Variants in LPP observed in about 807,000 individuals in gnomAD.
The protein encoded by LPP is lipoma-preferred partner.
LPP carries 38 observed loss-of-function variants against 60.4 expected under a neutral mutation model. The observed-to-expected ratio is 0.63, with a 90% CI of 0.49 to 0.83. LPP has a LOEUF of 0.83. Ranked by LOEUF, LPP falls within the 40% of genes least tolerant of loss-of-function variation. The probability of loss-of-function intolerance (pLI) is 0.00; values close to 1 mark genes in which losing one functional copy is unlikely to be tolerated. For synonymous variants in LPP, 328 were observed against 290.8 expected (o/e 1.13, Z -1.30); for missense variants, 902 against 783.6 (o/e 1.15, Z -1.80).
chr3:188,760,570 T>G (rs1731970555), intron 9 of LPP, among the ~76,000 whole-genome samples: 1 of 152,196 alleles, frequency 6.6e-6, no homozygotes, highest in African/African-American at 2.4e-5. Flanking sequence ...GCCTGTGGCT[T>G]TCTAGCATGT....
intron 10 of LPP, among the ~76,000 whole-genome samples, chr3:188,868,266 G>A (rs1767172440): frequency 6.6e-6 from 1 of 152,186 alleles, no homozygotes; most frequent in Admixed American, 6.5e-5. Context: ...GGCTAGAAAA[G>A]ACTGATACAT....
intron 10 of LPP, among the ~76,000 whole-genome samples, chr3:188,868,683 T>C (rs1244082585): frequency 6.6e-6 from 1 of 152,182 alleles, no homozygotes; most frequent in Non-Finnish European, 1.5e-5. Flanking sequence ...GGCTAATCAC[T>C]GAAAGACCAA....
At chr3:188,782,276 C>T (rs1740036164) in intron 9 of LPP, among the ~76,000 whole-genome samples, 1 of 152,144 alleles carries the variant, frequency 6.6e-6, no homozygotes, top group African/African-American at 2.4e-5. Flanking sequence ...ACTTTCAGGA[C>T]CATCCTTGCC....
chr3:188,382,369 T>A (rs1219649780), intron 3 of LPP, among the ~76,000 whole-genome samples: 1 of 152,216 alleles, frequency 6.6e-6, no homozygotes, highest in Non-Finnish European at 1.5e-5. Flanking sequence ...ATTTGCTATT[T>A]GTGTGATTCA....
chr3:188,852,195 T>C (rs1053086338), intron 9 of LPP, among the ~76,000 whole-genome samples: 2 of 151,910 alleles, frequency 1.3e-5, no homozygotes. Flanking sequence ...AGAAATTTGA[T>C]TGTGTCTCAA....
intron 3 of LPP, among the ~76,000 whole-genome samples, chr3:188,395,748 C>CA (rs1256573073): frequency 4.0e-5 from 6 of 150,512 alleles, no homozygotes; most frequent in Non-Finnish European, 8.8e-5. Context: ...CCTGTCTTTA[C>CA]AAAAAAAATT....
chr3:188,521,751 G>C (rs1220396764), intron 5 of LPP, among the ~76,000 whole-genome samples: 1 of 152,026 alleles, frequency 6.6e-6, no homozygotes, highest in Non-Finnish European at 1.5e-5. Context: ...TAGAACATGT[G>C]ATATTCTCTT....
chr3:188,412,614 G>A (rs1785174414), intron 4 of LPP, among the ~76,000 whole-genome samples: 1 of 152,128 alleles, frequency 6.6e-6, no homozygotes, highest in Non-Finnish European at 1.5e-5. Context: ...AATTTTAAAT[G>A]CTTTCGTTTA....
intron 2 of LPP, among the ~76,000 whole-genome samples, chr3:188,227,524 A>C (rs770128640): frequency 2.6e-5 from 4 of 152,020 alleles, no homozygotes; most frequent in Non-Finnish European, 5.9e-5. Context: ...TGCAGCCTTC[A>C]CCTGCGTTTA....
chr3:188,545,562 A>T (rs1318541557), intron 6 of LPP, among the ~76,000 whole-genome samples: 2 of 152,052 alleles, frequency 1.3e-5, no homozygotes, highest in East Asian at 3.9e-4. Context: ...AAATGAGCCC[A>T]TGTGCCTCGA....
intron 7 of LPP, among the ~76,000 whole-genome samples, chr3:188,617,234 C>T (rs557172753): frequency 6.6e-6 from 1 of 152,180 alleles, no homozygotes; most frequent in Non-Finnish European, 1.5e-5. Flanking sequence ...TAAGTCTTAA[C>T]CCCTTACATT....
chr3:188,155,579 C>T (rs1217929416), intron 1 of LPP, among the ~76,000 whole-genome samples: 1 of 152,152 alleles, frequency 6.6e-6, no homozygotes, highest in Admixed American at 6.5e-5. Flanking sequence ...TAAAGGTCCA[C>T]GAAGGTGGGT....
rs151092300 is a variant in LPP, at chr3:188,284,674, C to G, written c.-66-56989C>G. Among the ~76,000 whole-genome samples the G allele has an allele frequency of 5.4e-3, 822 of 152,176 alleles. 9 individuals are homozygous for G. Among genetic ancestry groups the G allele is most frequent in the African/African-American group, 0.019 (780 of 41,506 alleles). On this transcript the variant is annotated intron_variant, in intron 2 of 11. Coordinates refer to ENST00000617246, the MANE Select transcript of LPP (RefSeq NM_001375462.1). ...GCATGAGTGTGTATTGGTAACAGAA[C>G]CAAGGAGATCAGGGACTTACCCAAG...
At chr3:188,366,306 C>A (rs1771150846) in intron 3 of LPP, among the ~76,000 whole-genome samples, 1 of 152,168 alleles carries the variant, frequency 6.6e-6, no homozygotes, top group Admixed American at 6.5e-5. Flanking sequence ...TAGATCGATT[C>A]CACATCCTGG....
intron 8 of LPP, among the ~76,000 whole-genome samples, chr3:188,720,370 A>T (rs1715837817): frequency 6.6e-6 from 1 of 152,192 alleles, no homozygotes; most frequent in South Asian, 2.1e-4. Context: ...AAGGGCTTTG[A>T]TAGAGAACAG....
At position 188,416,451 on chromosome 3, in the gene LPP, T is replaced by C. The variant is rs552965277; in HGVS notation, c.193+10138T>C. ...AAACAGAACTTCCCGGGAATTGTGA[T>C]TGATGCTCAACCAACGTTTGGGAAC... is the stretch of plus-strand genomic sequence containing the variant. On this transcript the variant is annotated intron_variant, in intron 4 of 11. Coordinates refer to ENST00000617246, the MANE Select transcript of LPP (RefSeq NM_001375462.1). Among the ~76,000 whole-genome samples the C allele has an allele frequency of 1.4e-4, 22 of 152,328 alleles. No homozygotes were observed. The South Asian group carries it at 3.7e-3, about 26-fold the overall frequency.
At chr3:188,497,927 A>G (rs1004620198) in intron 5 of LPP, among the ~76,000 whole-genome samples, 22 of 152,138 alleles carry the variant, frequency 1.4e-4, no homozygotes, top group Admixed American at 1.4e-3. Flanking sequence ...AGAGTTACAG[A>G]TTCATTAAAT....
chr3:188,494,802 C>G (rs1361267889), intron 5 of LPP, among the ~76,000 whole-genome samples: 1 of 151,942 alleles, frequency 6.6e-6, no homozygotes, highest in East Asian at 1.9e-4. Context: ...ACGTGCTGCT[C>G]AACCTTTCTG....
At chr3:188,524,605 A>G in intron 5 of LPP, 60 bp from the exon 6 acceptor site, 2 of 1,521,252 alleles carry the variant, frequency 1.3e-6, no homozygotes, top group Non-Finnish European at 1.8e-6. Context: ...GAGAAATTTG[A>G]ACTTATAATG....
Sources: gnomAD v4.1 joint callset for allele counts (sites outside exome capture counted in the v4.1 genomes callset) on GRCh38, gnomAD v4.1.1 for gene constraint, MANE v1.5 for transcripts, NCBI Gene and HGNC (gene_info 2026-07-23, HGNC 2026-07-21) for gene names.